Variants in PCDHA4 observed in about 807,000 individuals in gnomAD.
PCDHA4 encodes protocadherin alpha 4.
In PCDHA4, 49 loss-of-function variants were observed where a neutral mutation model predicts 61.4. The ratio of observed to expected loss-of-function variants is 0.80; its 90% CI spans 0.63 to 1.01. PCDHA4 has a LOEUF of 1.01. Ranked by LOEUF, PCDHA4 falls within the 50% of genes least tolerant of loss-of-function variation. The pLI, the probability that PCDHA4 is intolerant of heterozygous loss-of-function variation, is 0.00. For synonymous variants in PCDHA4, 590 were observed against 550.3 expected, an observed-to-expected ratio of 1.07 and a Z score of -1.01; for missense variants, 1,254 against 1,235.8, an observed-to-expected ratio of 1.01 and a Z score of -0.22.
intron 1 of PCDHA4, chr5:140,926,963 A>G (rs782460460): frequency 1.2e-6 from 2 of 1,605,984 alleles, no homozygotes; most frequent in South Asian, 2.2e-5. Context: ...CAGCTCGAGT[A>G]CTCAGTGCCG....
intron 1 of PCDHA4, among the ~76,000 whole-genome samples, chr5:140,960,254 C>T (rs2095534958): frequency 6.6e-6 from 1 of 152,138 alleles, no homozygotes; most frequent in South Asian, 2.1e-4. Flanking sequence ...CTTCCTGGAG[C>T]TTCTGATAAA....
At chr5:140,845,370 T>G (rs1032525596) in intron 1 of PCDHA4, among the ~76,000 whole-genome samples, 1 of 149,690 alleles carries the variant, frequency 6.7e-6, no homozygotes, top group African/African-American at 2.4e-5. Flanking sequence ...CAAAATATCA[T>G]AAATAGGAGG....
At position 140,809,211 on chromosome 5, in the gene PCDHA4, C is replaced by T. The variant is rs1554125084; in HGVS notation, c.2024C>T (p.Ala675Val). ...GTGTCACTTGTGGAGAGTGGACAGG[C>T]GCCAAAGGCCTCCTCACGGGCGTTG... Reference protein sequence around the residue: ...VLVSLVESGQAPKASSRALVG... With the variant: ...VLVSLVESGQVPKASSRALVG... The change falls in exon 1 of 4, where the codon GCG becomes GTG. Residue 675 changes from alanine (A) to valine (V), a missense_variant. Physicochemically the swap from Ala to Val is moderately conservative, Grantham distance 64 (BLOSUM62 0). Transcript: ENST00000530339. 1.9e-6 allele frequency: 3 copies of T among 1,614,048 alleles called. No individual in the cohort carries two copies. The highest frequency in any genetic ancestry group is 1.1e-5 in the South Asian group (1 of 91,082).
chr5:140,883,402 C>T lies in PCDHA4; in HGVS notation c.2385+73830C>T. ...CCCTAATCAGTGTGTCCGATCGTGACTCTGGCTCAAATGGACAGGTCACCT... is the reference window on the plus strand; with the variant it reads ...CCCTAATCAGTGTGTCCGATCGTGATTCTGGCTCAAATGGACAGGTCACCT... On this transcript the variant is annotated intron_variant, in intron 1 of 3. Coordinates refer to ENST00000530339, the MANE Select transcript of PCDHA4 (RefSeq NM_018907.4). 4 of 1,614,192 alleles carry T rather than the reference C, an allele frequency of 2.5e-6. No individual in the cohort carries two copies. The South Asian group carries it at 3.3e-5, about 13-fold the overall frequency.
Position 141,010,110 on chromosome 5 carries a change from A to C in PCDHA4, c.*173A>C. On this transcript the variant is annotated 3_prime_UTR_variant, in exon 4 of 4. Coordinates refer to ENST00000530339, the MANE Select transcript of PCDHA4 (RefSeq NM_018907.4). ...GAACGCATTTAACAGGTTTTGTCGT[A>C]AAAGCTTTACTAAGTCTGGTGTTAA... 6.2e-7 allele frequency: 1 copy of C among 1,611,166 alleles called. No individual in the cohort carries two copies. The highest frequency in any genetic ancestry group is 8.5e-7 in the Non-Finnish European group (1 of 1,178,396).
intron 1 of PCDHA4, among the ~76,000 whole-genome samples, chr5:140,924,152 C>T (rs1163487854): frequency 6.6e-6 from 1 of 152,176 alleles, no homozygotes; most frequent in African/African-American, 2.4e-5. Context: ...TGAAGAAATG[C>T]ACATCCTAAT....
At chr5:140,921,943 T>C (rs2080514176) in intron 1 of PCDHA4, among the ~76,000 whole-genome samples, 1 of 151,972 alleles carries the variant, frequency 6.6e-6, no homozygotes, top group South Asian at 2.1e-4. Context: ...AATTTTACAC[T>C]TGTAAAATCC....
chr5:140,846,625 C>A (rs567549209), intron 1 of PCDHA4, among the ~76,000 whole-genome samples: 1 of 149,010 alleles, frequency 6.7e-6, no homozygotes, highest in Non-Finnish European at 1.5e-5. Flanking sequence ...CCGCCCACTT[C>A]GGCCTCCTAA....
In PCDHA4 at chr5:140,807,979, T is replaced by C. The variant is rs116894179; in HGVS notation, c.792T>C (p.Leu264=). 3.1e-6 allele frequency: 5 copies of C among 1,613,764 alleles called. No individual in the cohort carries two copies. In the East Asian group the frequency reaches 8.9e-5, roughly 29 times the overall value. Residue 264 remains leucine, a synonymous_variant, in exon 1 of 4, where the codon CTT becomes CTC. Transcript: ENST00000530339. ...NVPNGTLVIK[L]NASDLDEGLN... is the part of the protein sequence containing the mutation. ...CTAATGGAACATTGGTAATTAAACT[T>C]AACGCCTCAGATTTAGACGAAGGAT...
chr5:140,819,371 G>A (rs1180027831), intron 1 of PCDHA4, among the ~76,000 whole-genome samples: 2 of 152,040 alleles, frequency 1.3e-5, no homozygotes, highest in Admixed American at 6.5e-5. Flanking sequence ...TCTTGTGTTA[G>A]TATATTTCTA....
intron 1 of PCDHA4, chr5:140,882,816 A>G (rs2059323174): frequency 1.9e-6 from 3 of 1,614,266 alleles, no homozygotes; most frequent in Non-Finnish European, 1.7e-6. Flanking sequence ...TTGGACGCAC[A>G]AAACAGTCTT....
At chr5:140,857,348 CT>C (rs2044532824) in intron 1 of PCDHA4, 1 of 1,598,398 alleles carries the variant, frequency 6.3e-7, no homozygotes, top group Non-Finnish European at 8.6e-7. Flanking sequence ...CTCGCCTCCG[CT>C]GTGGGCCACG....
intron 1 of PCDHA4, among the ~76,000 whole-genome samples, chr5:140,839,832 G>A (rs1196179832): frequency 6.6e-6 from 1 of 152,000 alleles, no homozygotes; most frequent in Admixed American, 6.6e-5. Context: ...CATTCATGAT[G>A]AATCCATGGA....
At chr5:140,850,678 C>T in intron 1 of PCDHA4, 1 of 1,598,606 alleles carries the variant, frequency 6.3e-7, no homozygotes, top group Non-Finnish European at 8.6e-7. Flanking sequence ...GCGATGCCCA[C>T]CGAGGGCGAG....
chr5:140,839,670 T>C (rs1776356207), intron 1 of PCDHA4, among the ~76,000 whole-genome samples: 1 of 152,026 alleles, frequency 6.6e-6, no homozygotes, highest in Non-Finnish European at 1.5e-5. Flanking sequence ...CTATTTAGAG[T>C]CAACTACAGA....
rs531996502 is a variant in PCDHA4, at chr5:140,944,251, G to A, written c.2386-34698G>A. Among the ~76,000 whole-genome samples the A allele has an allele frequency of 2.2e-4, 33 of 152,302 alleles. No individual in the cohort carries two copies. In the South Asian group the frequency reaches 6.8e-3, roughly 32 times the overall value. On this transcript the variant is annotated intron_variant, in intron 1 of 3. Transcript: ENST00000530339. ...CGCTCAGGCTGGAGTGCAGTGATGT[G>A]ATCACTGCTCACTGCAGCCTTGACA...
At chr5:140,865,937 T>C (rs529378074) in intron 1 of PCDHA4, 1 of 152,212 alleles carries the variant, frequency 6.6e-6, no homozygotes, top group Admixed American at 6.5e-5. Context: ...AGAAACTTCA[T>C]GATTGTCTTC....
chr5:140,877,674 G>C, intron 1 of PCDHA4: 2 of 1,613,630 alleles, frequency 1.2e-6, no homozygotes, highest in East Asian at 4.5e-5. Context: ...GGTGCGCGCC[G>C]GGCAAGCCCA....
At chr5:140,906,757 A>G (rs554698266) in intron 1 of PCDHA4, among the ~76,000 whole-genome samples, 2 of 152,346 alleles carry the variant, frequency 1.3e-5, no homozygotes, top group South Asian at 4.1e-4. Flanking sequence ...GCATGGTAAT[A>G]CTAAGAGACA....
Sources: gnomAD v4.1 joint callset for allele counts (sites outside exome capture counted in the v4.1 genomes callset) on GRCh38, gnomAD v4.1.1 for gene constraint, MANE v1.5 for transcripts, NCBI Gene and HGNC (gene_info 2026-07-23, HGNC 2026-07-21) for gene names.